CCDC38: variants seen among roughly 807,000 people sequenced by gnomAD.
CCDC38 encodes the protein coiled-coil domain containing 38.
In CCDC38, 69 loss-of-function variants were observed where a neutral mutation model predicts 72.8. That is an observed-to-expected ratio of 0.95 (90% CI 0.78 to 1.16). CCDC38 has a LOEUF of 1.16. Ranked by LOEUF, CCDC38 falls within the 50% of genes most tolerant of loss-of-function variation. The pLI, the probability that CCDC38 is intolerant of heterozygous loss-of-function variation, is 0.00. For missense variants in CCDC38, 626 were observed against 638.9 expected (o/e 0.98, Z 0.22); for synonymous variants, 201 against 213.2 (o/e 0.94, Z 0.50).
chr12:95,926,478 C>T (rs1163232984), intron 2 of CCDC38, among the ~76,000 whole-genome samples: 2 of 151,392 alleles, frequency 1.3e-5, no homozygotes, highest in African/African-American at 4.9e-5. Flanking sequence ...TTTGTTGATC[C>T]TTTCAAAAAA....
chr12:95,942,642 G>A (rs1442705353), upstream of CCDC38: 1 of 152,452 alleles, frequency 6.6e-6, no homozygotes, highest in African/African-American at 2.4e-5. Flanking sequence ...CGCGGACCCA[G>A]GAGCACCTCC....
intron 2 of CCDC38, among the ~76,000 whole-genome samples, chr12:95,931,516 C>T (rs2080339197): frequency 6.6e-6 from 1 of 152,176 alleles, no homozygotes; most frequent in Non-Finnish European, 1.5e-5. Flanking sequence ...TAGACTTGCT[C>T]CTTACTGACA....
chr12:95,919,652 G>A (rs2080182704), intron 2 of CCDC38: 1 of 455,622 alleles, frequency 2.2e-6, no homozygotes, highest in African/African-American at 2.0e-5. Flanking sequence ...GATAAAATAA[G>A]GAGGTCTTTA....
chr12:95,903,477 G>A, intron 5 of CCDC38: 1 of 700,280 alleles, frequency 1.4e-6, no homozygotes, highest in South Asian at 1.5e-5. Flanking sequence ...ATCTTAGGGG[G>A]AAAGCATTCA....
At chr12:95,943,108 T>G, upstream of CCDC38, 2 of 364,616 alleles carry the variant, frequency 5.5e-6, no homozygotes, top group African/African-American at 2.1e-5. Context: ...TAAGTTTCCT[T>G]ATCTGAAAAG....
In CCDC38 at chr12:95,879,523, T is replaced by C. The variant is rs1592757351; in HGVS notation, c.1142+121A>G. On this transcript the variant is annotated intron_variant, in intron 12 of 15. Coordinates refer to ENST00000344280, the MANE Select transcript of CCDC38 (RefSeq NM_182496.3). This position sits in a 1 kb window ranked among gnomAD's most constrained non-coding sequence, Gnocchi z 5.5. ...GTTTTGCACTCCACAATGTAAACTA[T>C]TAAAAACCCCAGCCTACATTCACAG... 1 of 620,280 alleles carries C rather than the reference T, an allele frequency of 1.6e-6. No individual in the cohort carries two copies. The highest frequency in any genetic ancestry group is 2.7e-6 in the Non-Finnish European group (1 of 365,742). 38.4% of individuals were successfully genotyped at this position (620,280 alleles called of 1,614,324 possible).
rs2079699677 is a variant in CCDC38 at position 95,881,498 on chromosome 12, A to C, written c.977T>G (p.Met326Arg). ...TAATCTGGTTACCAAATCAACGTCC[A>C]TTTCATCATCTAAAAGGAATTCCAA... is the stretch of plus-strand genomic sequence containing the variant. ...DSLEFLLDDEMDVDLEPALYF... is the reference protein window; with the variant it reads ...DSLEFLLDDERDVDLEPALYF... The change falls in exon 11 of 16, where the codon ATG becomes AGG. Residue 326 changes from methionine to arginine, a missense_variant. Met to Arg is a moderately conservative substitution (Grantham distance 91). Coordinates refer to ENST00000344280, the MANE Select transcript of CCDC38 (RefSeq NM_182496.3). 2.5e-6 allele frequency: 4 copies of C among 1,608,718 alleles called. No homozygotes were observed. The highest frequency in any genetic ancestry group is 3.4e-6 in the Non-Finnish European group (4 of 1,177,434).
intron 5 of CCDC38, among the ~76,000 whole-genome samples, chr12:95,899,347 G>T (rs1252318151): frequency 6.6e-6 from 1 of 152,178 alleles, no homozygotes; most frequent in Non-Finnish European, 1.5e-5. Flanking sequence ...ACCCAGGCTG[G>T]AGTGCAGTGG....
intron 13 of CCDC38, among the ~76,000 whole-genome samples, chr12:95,876,573 A>T (rs912434151): frequency 4.0e-5 from 6 of 151,762 alleles, no homozygotes; most frequent in South Asian, 4.1e-4. Flanking sequence ...CCACAGTTTT[A>T]AAAAAAATGG....
intron 4 of CCDC38, among the ~76,000 whole-genome samples, chr12:95,907,238 C>T (rs1470852335): frequency 1.4e-5 from 2 of 141,484 alleles, no homozygotes; most frequent in Admixed American, 6.8e-5. Context: ...TACACAGACA[C>T]GGCAACCATC....
intron 4 of CCDC38, among the ~76,000 whole-genome samples, chr12:95,913,623 G>A (rs971353937): frequency 2.0e-5 from 3 of 152,074 alleles, no homozygotes; most frequent in Non-Finnish European, 4.4e-5. Flanking sequence ...AAGTAAGCCC[G>A]GGTAGATACA....
At chr12:95,903,595 A>C (rs1365361674) in intron 5 of CCDC38, 1 of 580,738 alleles carries the variant, frequency 1.7e-6, no homozygotes, top group East Asian at 2.9e-5. Context: ...AGTCTCCATC[A>C]AGAATGAATT....
intron 10 of CCDC38, among the ~76,000 whole-genome samples, chr12:95,887,530 T>C (rs533030127): frequency 6.6e-6 from 1 of 152,340 alleles, no homozygotes; most frequent in Non-Finnish European, 1.5e-5. Flanking sequence ...AGGATTCCAC[T>C]TATAGAACAT....
At position 95,879,635 on chromosome 12, in the gene CCDC38, A is replaced by G. The variant is rs776806940; in HGVS notation, c.1142+9T>C. The G allele has an allele frequency of 3.2e-6, 5 of 1,559,006 alleles. No homozygotes were observed. The highest frequency in any genetic ancestry group is 4.4e-6 in the Non-Finnish European group (5 of 1,139,230). On this transcript the variant is annotated intron_variant, in intron 12 of 15. Coordinates refer to ENST00000344280, the MANE Select transcript of CCDC38 (RefSeq NM_182496.3). This position sits in a 1 kb window ranked among gnomAD's most constrained non-coding sequence, Gnocchi z 5.5. ...AATGGAATAAATCTACTTGTTTATA[A>G]TGACTTACGTTTTATCCTGTATAAC...
At chr12:95,915,081 C>T (rs2080131049) in intron 4 of CCDC38, among the ~76,000 whole-genome samples, 1 of 152,172 alleles carries the variant, frequency 6.6e-6, no homozygotes, top group Admixed American at 6.5e-5. Context: ...TGTCAACTTA[C>T]TAAATCTTAG....
At chr12:95,884,422 A>C (rs959636334) in intron 10 of CCDC38, among the ~76,000 whole-genome samples, 5 of 152,268 alleles carry the variant, frequency 3.3e-5, no homozygotes, top group African/African-American at 1.2e-4. Context: ...TGAAGAAATC[A>C]AAGAAGATCT....
At chr12:95,899,126 A>G (rs2079924746) in intron 5 of CCDC38, among the ~76,000 whole-genome samples, 1 of 152,196 alleles carries the variant, frequency 6.6e-6, no homozygotes. Flanking sequence ...CATGGGAGAA[A>G]GCAGTTTCAA....
intron 2 of CCDC38, chr12:95,919,516 T>C (rs2080180855): frequency 6.6e-6 from 3 of 455,888 alleles, no homozygotes; most frequent in South Asian, 3.1e-5. Context: ...TCAGGCCATG[T>C]TTAGTTTGCT....
intron 2 of CCDC38, among the ~76,000 whole-genome samples, chr12:95,925,115 G>A (rs1330302157): frequency 1.3e-5 from 2 of 151,302 alleles, no homozygotes; most frequent in Non-Finnish European, 2.9e-5. Flanking sequence ...CATTGAATCT[G>A]TAAATTACCT....
Sources: gnomAD v4.1 joint callset for allele counts (sites outside exome capture counted in the v4.1 genomes callset) on GRCh38, gnomAD v4.1.1 for gene constraint, Gnocchi (gnomAD v3.1) non-coding constraint, MANE v1.5 for transcripts, NCBI Gene and HGNC (gene_info 2026-07-23, HGNC 2026-07-21) for gene names.